Variants in HEMK2 observed in about 807,000 individuals in gnomAD.
The protein encoded by HEMK2 is methyltransferase HEMK2.
At chr21:28,631,163 T>C in the HEMK2 span, among the ~76,000 whole-genome samples, 1 of 152,104 alleles carries the variant, frequency 6.6e-6, no homozygotes, top group African/African-American at 2.4e-5. Context: ...TCCTGGTTTA[T>C]AAATGGACAG....
the HEMK2 span, among the ~76,000 whole-genome samples, chr21:28,785,210 G>A: frequency 5.8e-4 from 88 of 152,272 alleles, no homozygotes; most frequent in African/African-American, 1.9e-3. Context: ...AACACTCACC[G>A]CAAGGGTCCG....
chr21:28,608,117 A>C, the HEMK2 span, among the ~76,000 whole-genome samples: 1 of 152,206 alleles, frequency 6.6e-6, no homozygotes, highest in Admixed American at 6.5e-5. Flanking sequence ...TTTGAAAATA[A>C]GGCAGAATGT....
chr21:28,866,175 A>AAAAAAAAAAAAAAAAAAAC, the HEMK2 span, among the ~76,000 whole-genome samples: 10 of 76,238 alleles, frequency 1.3e-4, 1 homozygote, highest in South Asian at 6.1e-4. Flanking sequence ...CAAAAAAAAA[A>AAAAAAAAAAAAAAAAAAAC]ACACACACAC....
the HEMK2 span, among the ~76,000 whole-genome samples, chr21:28,845,624 GTTTCT>G: frequency 1.6e-3 from 250 of 151,666 alleles, 1 homozygote; most frequent in African/African-American, 5.7e-3. Flanking sequence ...TCTTTATGCA[GTTTCT>G]TTTCTTGTTT....
chr21:28,586,608 G>A, the HEMK2 span, among the ~76,000 whole-genome samples: 3 of 152,176 alleles, frequency 2.0e-5, no homozygotes, highest in African/African-American at 7.2e-5. Context: ...TTTCATCTAA[G>A]GATTCCTGGT....
the HEMK2 span, chr21:28,882,367 T>A: frequency 5.1e-5 from 33 of 647,794 alleles, no homozygotes; most frequent in East Asian, 6.5e-5. Flanking sequence ...AAAAAAAAAA[T>A]TAGAACGTAT....
chr21:28,669,037 CACA>C, the HEMK2 span, among the ~76,000 whole-genome samples: 1 of 152,120 alleles, frequency 6.6e-6, no homozygotes, highest in Non-Finnish European at 1.5e-5. Context: ...GGGAAGATGA[CACA>C]ACAACATTCC....
At chr21:28,748,526 C>G in the HEMK2 span, among the ~76,000 whole-genome samples, 1 of 152,170 alleles carries the variant, frequency 6.6e-6, no homozygotes, top group Non-Finnish European at 1.5e-5. Context: ...GGGCTTGATT[C>G]TTTCCCTCAA....
the HEMK2 span, among the ~76,000 whole-genome samples, chr21:28,750,822 G>T: frequency 1.3e-5 from 2 of 151,882 alleles, no homozygotes; most frequent in East Asian, 3.9e-4. Context: ...TCACAAAAAT[G>T]AAAGAAAGAA....
the HEMK2 span, among the ~76,000 whole-genome samples, chr21:28,788,223 T>C: frequency 6.0e-5 from 9 of 149,742 alleles, no homozygotes; most frequent in Non-Finnish European, 3.0e-5. Flanking sequence ...TATATGTATA[T>C]ATACACGTAT....
chr21:28,841,221 T>TA, the HEMK2 span, among the ~76,000 whole-genome samples: 2 of 9,914 alleles, frequency 2.0e-4, no homozygotes, highest in East Asian at 0.056. Flanking sequence ...ATTATATATA[T>TA]TATATATTAT....
At chr21:28,588,637 T>C in the HEMK2 span, among the ~76,000 whole-genome samples, 1 of 152,028 alleles carries the variant, frequency 6.6e-6, no homozygotes, top group East Asian at 1.9e-4. Flanking sequence ...GCAACATAGA[T>C]GTAATAATGC....
At chr21:28,676,297 T>G in the HEMK2 span, among the ~76,000 whole-genome samples, 1 of 152,204 alleles carries the variant, frequency 6.6e-6, no homozygotes, top group African/African-American at 2.4e-5. Flanking sequence ...TGGTAGTCCC[T>G]CTGTGTGTGT....
chr21:28,844,867 A>T, the HEMK2 span, among the ~76,000 whole-genome samples: 102 of 152,070 alleles, frequency 6.7e-4, 1 homozygote, highest in African/African-American at 2.2e-3. Flanking sequence ...CCCATTTTTT[A>T]ATTGGATTGT....
the HEMK2 span, among the ~76,000 whole-genome samples, chr21:28,750,218 G>C: frequency 1.3e-5 from 2 of 152,206 alleles, no homozygotes; most frequent in Non-Finnish European, 2.9e-5. Flanking sequence ...TATAGAATGA[G>C]ATTTGAGGAG....
At chr21:28,789,575 G>A in the HEMK2 span, among the ~76,000 whole-genome samples, 9 of 152,182 alleles carry the variant, frequency 5.9e-5, no homozygotes, top group East Asian at 3.8e-4. Flanking sequence ...ATGCCTTGGG[G>A]TAGAAGTAGG....
the HEMK2 span, among the ~76,000 whole-genome samples, chr21:28,784,141 G>C: frequency 1.3e-5 from 2 of 152,224 alleles, no homozygotes; most frequent in African/African-American, 4.8e-5. Context: ...TGAAGAGTGC[G>C]GGCACACAGC....
At chr21:28,835,186 C>T in the HEMK2 span, among the ~76,000 whole-genome samples, 2 of 152,124 alleles carry the variant, frequency 1.3e-5, no homozygotes, top group African/African-American at 4.8e-5. Context: ...AGAAGGTCAA[C>T]CAGCACAAAA....
chr21:28,740,316 C>T, the HEMK2 span, among the ~76,000 whole-genome samples: 1 of 152,188 alleles, frequency 6.6e-6, no homozygotes, highest in African/African-American at 2.4e-5. Flanking sequence ...GGCCAAAACA[C>T]ATGAACATAG....
Sources: allele counts gnomAD v4.1 joint callset (sites outside exome capture counted in the v4.1 genomes callset), GRCh38; gene constraint gnomAD v4.1.1; transcripts MANE v1.5; gene names NCBI Gene and HGNC (gene_info 2026-07-23, HGNC 2026-07-21).